The following EFCAB6 variants were observed in gnomAD, a reference collection of about 807,000 sequenced individuals.
EFCAB6 encodes EF-hand calcium binding domain 6, also known as EF-hand calcium-binding domain-containing protein 6.
EFCAB6 carries 156 observed loss-of-function variants against 169.8 expected under a neutral mutation model. The observed-to-expected ratio is 0.92, with a 90% confidence interval of 0.81 to 1.05. The LOEUF (loss-of-function observed/expected upper bound fraction) is 1.05, where lower values mean the gene tolerates loss of function less well. EFCAB6 is among the 50% of genes least tolerant of loss of function. The pLI is 0.00. For synonymous variants in EFCAB6, 698 were observed against 676.4 expected (o/e 1.03, Z -0.50); for missense variants, 1,800 against 1,829.1 (o/e 0.98, Z 0.29).
intron 5 of EFCAB6, among the ~76,000 whole-genome samples, chr22:43,758,489 TGCTG>T (rs943369540): frequency 2.6e-5 from 4 of 152,252 alleles, no homozygotes; most frequent in Admixed American, 2.6e-4. Context: ...TTTATCCTCC[TGCTG>T]GCTATCAAAT....
intron 7 of EFCAB6, among the ~76,000 whole-genome samples, chr22:43,734,714 T>C (rs1043429941): frequency 6.6e-6 from 1 of 152,188 alleles, no homozygotes; most frequent in African/African-American, 2.4e-5. Flanking sequence ...GTGTTTTATA[T>C]TCTGAGGTGG....
At chr22:43,797,230 G>A (rs901807320) in intron 2 of EFCAB6, 1 of 150,918 alleles carries the variant, frequency 6.6e-6, no homozygotes, top group Non-Finnish European at 1.5e-5. Context: ...TGCTCAGGGA[G>A]GAGGAGCATC....
At chr22:43,632,294 CTTTTTTTTTTTTT>C (rs200314912) in intron 18 of EFCAB6, 56 bp from the exon 19 acceptor site, 21 of 1,131,134 alleles carry the variant, frequency 1.9e-5, no homozygotes, top group South Asian at 3.4e-5. Flanking sequence ...TTCATTCCTT[CTTTTTTTTTTTTT>C]TTTTTTTTTG....
Position 43,572,852 on chromosome 22 carries a change from CACCCAGCTCAGCGCCTGGT to C in EFCAB6, c.3420+3426_3420+3444del, listed in dbSNP as rs1374835386. Among the ~76,000 whole-genome samples, 1 of 152,222 alleles carries C rather than the reference CACCCAGCTCAGCGCCTGGT, an allele frequency of 6.6e-6. No individual in the cohort carries two copies. The highest frequency in any genetic ancestry group is 2.4e-5 in the African/African-American group (1 of 41,452). ...TTGTTTACTTTGCTGCTAAACCTGG[CACCCAGCTCAGCGCCTGGT>C]ACACATGGGCCATAGGAAACACGTG... On this transcript the variant is annotated intron_variant, in intron 26 of 31. Transcript: ENST00000262726. This position sits in a 1 kb window ranked among gnomAD's most constrained non-coding sequence, Gnocchi z 4.0.
At chr22:43,540,078 G>A (rs778091628) in intron 28 of EFCAB6, 49 bp downstream of exon 28, 1 of 1,598,292 alleles carries the variant, frequency 6.3e-7, no homozygotes, top group Non-Finnish European at 8.6e-7. Flanking sequence ...TGGGATTTGT[G>A]GATGTGGCAT....
intron 8 of EFCAB6, among the ~76,000 whole-genome samples, chr22:43,722,373 A>G (rs1603278697): frequency 6.6e-6 from 1 of 152,204 alleles, no homozygotes; most frequent in Non-Finnish European, 1.5e-5. Context: ...TAAAAAAAAA[A>G]AATTAAAATT....
intron 17 of EFCAB6, among the ~76,000 whole-genome samples, chr22:43,664,145 A>C (rs981705580): frequency 1.3e-5 from 2 of 152,224 alleles, no homozygotes; most frequent in Non-Finnish European, 2.9e-5. Flanking sequence ...GGGGTCGGCC[A>C]GCACCCAGAG....
At chr22:43,739,741 C>T (rs1401088856) in intron 6 of EFCAB6, among the ~76,000 whole-genome samples, 3 of 152,138 alleles carry the variant, frequency 2.0e-5, no homozygotes, top group Non-Finnish European at 2.9e-5. Context: ...ATCAGCCCCT[C>T]CCTCCAGACC....
At chr22:43,582,343 C>G (rs927951801) in intron 24 of EFCAB6, among the ~76,000 whole-genome samples, 2 of 137,958 alleles carry the variant, frequency 1.4e-5, no homozygotes, top group African/African-American at 6.4e-5. Context: ...TATACACATA[C>G]ACACACACAC....
rs112111381 is a variant in EFCAB6, at chr22:43,773,693, C to A, written c.140-590G>T. ...CGAAACCCCATCTCTACTAAAAATA[C>A]AAAATTAGCTGGGTGTGGTGGCACA... is the stretch of plus-strand genomic sequence containing the variant. On this transcript the variant is annotated intron_variant, in intron 3 of 31. Coordinates refer to ENST00000262726, the MANE Select transcript of EFCAB6 (RefSeq NM_022785.4). Among the ~76,000 whole-genome samples, 440 of 152,190 alleles carry A rather than the reference C, an allele frequency of 2.9e-3. 1 individual carries two copies. Among genetic ancestry groups the A allele is most frequent in the Non-Finnish European group, 5.0e-3 (337 of 67,998 alleles).
In EFCAB6 at chr22:43,626,626, GT is replaced by G. The variant is rs1452201688; in HGVS notation, c.2285del (p.Asn762ThrfsTer30). 1 of 1,614,208 alleles carries G rather than the reference GT, an allele frequency of 6.2e-7. No individual in the cohort carries two copies. Among genetic ancestry groups the G allele is most frequent in the Admixed American group, 1.7e-5 (1 of 60,028 alleles). Reference sequence around the variant, plus strand: ...GGAGCAGTCTGTGAAGGTCATGCATGTTGATTATGCCATCCCTGTCAGCATC... The same window carrying G: ...GGAGCAGTCTGTGAAGGTCATGCATGTGATTATGCCATCCCTGTCAGCATC... ...KTDADRDGIINMHDLHRLLLH... is the reference protein window; with the variant it reads ...KTDADRDGIIXMHDLHRLLLH... On this transcript the variant is annotated frameshift_variant, in exon 20 of 32. Coordinates refer to ENST00000262726, the MANE Select transcript of EFCAB6 (RefSeq NM_022785.4). LOFTEE classifies it high-confidence loss of function.
chr22:43,791,571 G>C (rs1338114694), intron 2 of EFCAB6, among the ~76,000 whole-genome samples: 1 of 152,094 alleles, frequency 6.6e-6, no homozygotes, highest in Non-Finnish European at 1.5e-5. Flanking sequence ...CACAGTCCTA[G>C]AAACCATGAG....
chr22:43,692,602 T>A (rs1304097412), intron 10 of EFCAB6, among the ~76,000 whole-genome samples: 1 of 151,804 alleles, frequency 6.6e-6, no homozygotes, highest in East Asian at 1.9e-4. Context: ...AATAAAAAAT[T>A]TACTGAATAG....
In EFCAB6 at chr22:43,554,862, T is replaced by C. The variant is rs1208400895; in HGVS notation, c.3648+7A>G. 1 of 1,613,934 alleles carries C rather than the reference T, an allele frequency of 6.2e-7. No homozygotes were observed. Among genetic ancestry groups the C allele is most frequent in the Non-Finnish European group, 8.5e-7 (1 of 1,179,786 alleles). On this transcript the variant is annotated splice_region_variant and intron_variant, in intron 27 of 31. Transcript: ENST00000262726. ...GTGCAGGGTGAGGACTGACTGGCGTTTCTTACCTGTTCGTCCGTCAGGATT... is the reference window on the plus strand; with the variant it reads ...GTGCAGGGTGAGGACTGACTGGCGTCTCTTACCTGTTCGTCCGTCAGGATT...
At chr22:43,780,484 C>T (rs1461280155) in intron 3 of EFCAB6, among the ~76,000 whole-genome samples, 1 of 57,774 alleles carries the variant, frequency 1.7e-5, no homozygotes, top group Non-Finnish European at 3.1e-5. Flanking sequence ...AAGACTCTGT[C>T]TCAAAAAAAA....
At chr22:43,781,712 T>C (rs762710501) in intron 3 of EFCAB6, among the ~76,000 whole-genome samples, 1 of 152,042 alleles carries the variant, frequency 6.6e-6, no homozygotes, top group Non-Finnish European at 1.5e-5. Context: ...CTAAGAACTT[T>C]AAGTAAAAAT....
chr22:43,711,667 C>T (rs1458750386), intron 9 of EFCAB6, 44 bp from the exon 10 acceptor site: 1 of 1,558,120 alleles, frequency 6.4e-7, no homozygotes, highest in Non-Finnish European at 8.6e-7. Flanking sequence ...TAAATATCAA[C>T]TTCATGGAGC....
intron 24 of EFCAB6, among the ~76,000 whole-genome samples, chr22:43,584,373 G>A (rs1188216386): frequency 1.3e-5 from 2 of 152,172 alleles, no homozygotes; most frequent in South Asian, 2.1e-4. Flanking sequence ...TGGCAAATTC[G>A]TAGAGGCTGA....
At chr22:43,757,223 G>C (rs1241016290) in intron 5 of EFCAB6, among the ~76,000 whole-genome samples, 1 of 152,176 alleles carries the variant, frequency 6.6e-6, no homozygotes, top group Non-Finnish European at 1.5e-5. Flanking sequence ...ATATTCAATA[G>C]ATACAAAACG....
Sources: allele counts gnomAD v4.1 joint callset (sites outside exome capture counted in the v4.1 genomes callset), GRCh38; gene constraint gnomAD v4.1.1; non-coding constraint Gnocchi (gnomAD v3.1); transcripts MANE v1.5; gene names NCBI Gene and HGNC (gene_info 2026-07-23, HGNC 2026-07-21).